The following PPP1R1C variants were observed in gnomAD, a reference collection of about 807,000 sequenced individuals.
PPP1R1C encodes protein phosphatase 1 regulatory inhibitor subunit 1C.
PPP1R1C carries 15 observed loss-of-function variants against 17.4 expected under a neutral mutation model. That is an observed-to-expected ratio of 0.86 (90% CI 0.58 to 1.33). The LOEUF (loss-of-function observed/expected upper bound fraction) is 1.33. Ranked by LOEUF, PPP1R1C falls within the 40% of genes most tolerant of loss-of-function variation. The pLI is 0.00. For missense variants in PPP1R1C, 143 were observed against 130.0 expected, an observed-to-expected ratio of 1.10 and a Z score of -0.48; for synonymous variants, 35 against 43.1, an observed-to-expected ratio of 0.81 and a Z score of 0.73.
At chr2:182,066,630 A>G (rs1276853186) in intron 4 of PPP1R1C, among the ~76,000 whole-genome samples, 2 of 152,170 alleles carry the variant, frequency 1.3e-5, no homozygotes, top group African/African-American at 4.8e-5. Flanking sequence ...TGTGCTAACC[A>G]TGAGTCATAA....
downstream of PPP1R1C, among the ~76,000 whole-genome samples, chr2:182,121,180 T>G (rs772887829): frequency 1.3e-5 from 2 of 152,058 alleles, no homozygotes; most frequent in Non-Finnish European, 2.9e-5. Context: ...TATAATTGTT[T>G]GTAGCTGGAC....
At chr2:182,052,480 G>A (rs1274817867) in intron 2 of PPP1R1C, among the ~76,000 whole-genome samples, 1 of 152,128 alleles carries the variant, frequency 6.6e-6, no homozygotes, top group Non-Finnish European at 1.5e-5. Flanking sequence ...TATTTCTTTT[G>A]TGTGTCATAT....
chr2:182,022,733 T>C (rs1686464514), intron 2 of PPP1R1C, among the ~76,000 whole-genome samples: 1 of 152,148 alleles, frequency 6.6e-6, no homozygotes, highest in African/African-American at 2.4e-5. Flanking sequence ...GAGAGACCAT[T>C]AGAAATCATC....
intron 4 of PPP1R1C, among the ~76,000 whole-genome samples, chr2:182,093,012 G>C (rs1688828936): frequency 6.6e-6 from 1 of 152,154 alleles, no homozygotes; most frequent in Admixed American, 6.5e-5. Context: ...CTCTTTGTGG[G>C]GGCTTTGACC....
At chr2:182,007,162 A>G (rs10803954) in intron 2 of PPP1R1C, among the ~76,000 whole-genome samples, 50,164 of 151,988 alleles carry the variant, frequency 0.33, 9,828 homozygotes, top group Non-Finnish European at 0.42. Context: ...GAAATTAAGA[A>G]GTTTGATAAG....
chr2:182,020,789 T>C (rs570183864), intron 2 of PPP1R1C, among the ~76,000 whole-genome samples: 137 of 152,314 alleles, frequency 9.0e-4, no homozygotes, highest in Non-Finnish European at 1.7e-3. Context: ...TTCTATATGG[T>C]ATTTCATTTC....
chr2:182,076,839 C>T (rs970725358), intron 4 of PPP1R1C, among the ~76,000 whole-genome samples: 7 of 152,128 alleles, frequency 4.6e-5, no homozygotes, highest in African/African-American at 1.2e-4. Context: ...AATCCTACCA[C>T]GAAGAAATAT....
At chr2:181,988,544 G>A (rs113628959) in intron 2 of PPP1R1C, among the ~76,000 whole-genome samples, 2,788 of 152,236 alleles carry the variant, frequency 0.018, 77 homozygotes, top group African/African-American at 0.064. Flanking sequence ...TTATTGAAGC[G>A]GGGTGATTTT....
chr2:182,096,333 T>A (rs555354649), intron 4 of PPP1R1C, among the ~76,000 whole-genome samples: 231 of 152,288 alleles, frequency 1.5e-3, no homozygotes, highest in African/African-American at 5.3e-3. Context: ...TCAGAGAATT[T>A]CTTTATGACC....
chr2:182,120,006 C>A (rs1041719238), downstream of PPP1R1C, among the ~76,000 whole-genome samples: 3 of 152,088 alleles, frequency 2.0e-5, no homozygotes, highest in African/African-American at 7.2e-5. Flanking sequence ...AATGGTATTG[C>A]CTAGGTTTTC....
chr2:182,118,884 C>T (rs1478265729), downstream of PPP1R1C, among the ~76,000 whole-genome samples: 1 of 151,206 alleles, frequency 6.6e-6, no homozygotes, highest in Admixed American at 6.6e-5. Context: ...TGTCTTTCTC[C>T]ACCCCTCCCA....
chr2:182,130,887 A>G (rs1028386395), downstream of PPP1R1C: 2 of 152,220 alleles, frequency 1.3e-5, no homozygotes, highest in African/African-American at 4.8e-5. Flanking sequence ...TAAGACAGGA[A>G]TGATACTACT....
chr2:182,071,145 G>A (rs1444805447), intron 4 of PPP1R1C, among the ~76,000 whole-genome samples: 2 of 151,994 alleles, frequency 1.3e-5, no homozygotes, highest in African/African-American at 4.8e-5. Context: ...ATATTTTCTT[G>A]GTATCTATTT....
At chr2:182,074,774 T>A (rs1256730399) in intron 4 of PPP1R1C, among the ~76,000 whole-genome samples, 1 of 152,196 alleles carries the variant, frequency 6.6e-6, no homozygotes, top group African/African-American at 2.4e-5. Flanking sequence ...ACCCAACACC[T>A]CAGTTGTGGC....
chr2:181,990,295 C>T (rs984672216), intron 2 of PPP1R1C, among the ~76,000 whole-genome samples: 1 of 151,550 alleles, frequency 6.6e-6, no homozygotes, highest in Non-Finnish European at 1.5e-5. Context: ...CCTGCCACCA[C>T]GCCCGGCTAA....
chr2:181,991,456 C>A (rs1434531581), intron 2 of PPP1R1C, among the ~76,000 whole-genome samples: 1 of 151,988 alleles, frequency 6.6e-6, no homozygotes, highest in Non-Finnish European at 1.5e-5. Flanking sequence ...CAGTTTAACT[C>A]AAAATAGTGG....
At chr2:181,977,457 T>C (rs1342616894) in intron 2 of PPP1R1C, among the ~76,000 whole-genome samples, 6 of 152,178 alleles carry the variant, frequency 3.9e-5, no homozygotes, top group Non-Finnish European at 8.8e-5. Context: ...TACACTTTTT[T>C]CTTATCTTTG....
chr2:182,051,990 G>T (rs1687534783), intron 2 of PPP1R1C, among the ~76,000 whole-genome samples: 1 of 150,224 alleles, frequency 6.7e-6, no homozygotes, highest in African/African-American at 2.5e-5. Flanking sequence ...GCGACACAGT[G>T]AGACTCTGTC....
At chr2:182,074,700 T>A (rs577581510) in intron 4 of PPP1R1C, among the ~76,000 whole-genome samples, 2 of 152,320 alleles carry the variant, frequency 1.3e-5, no homozygotes, top group South Asian at 4.1e-4. Flanking sequence ...AGGAGCCTGA[T>A]CTGCAAGATA....
Sources: allele counts gnomAD v4.1 joint callset (sites outside exome capture counted in the v4.1 genomes callset), GRCh38; gene constraint gnomAD v4.1.1; transcripts MANE v1.5; gene names NCBI Gene and HGNC (gene_info 2026-07-23, HGNC 2026-07-21).